The following LPP variants were observed in gnomAD, a reference collection of about 807,000 sequenced individuals.
The protein encoded by LPP is lipoma-preferred partner.
In LPP, 38 loss-of-function variants were observed where a neutral mutation model predicts 60.4. That is an observed-to-expected ratio of 0.63 (90% CI 0.49 to 0.83). The LOEUF (loss-of-function observed/expected upper bound fraction) is 0.83, where lower values mean the gene tolerates loss of function less well. LPP is among the 40% of genes least tolerant of loss of function. LPP has a pLI of 0.00. For synonymous variants in LPP, 328 were observed against 290.8 expected (o/e 1.13, Z -1.30); for missense variants, 902 against 783.6 (o/e 1.15, Z -1.80).
At chr3:188,476,755 G>GT (rs1803340726) in intron 4 of LPP, among the ~76,000 whole-genome samples, 1 of 152,114 alleles carries the variant, frequency 6.6e-6, no homozygotes, top group South Asian at 2.1e-4. Flanking sequence ...TTTTTCTAAT[G>GT]TATAAAAGGA....
At chr3:188,175,320 C>A (rs914765776) in intron 1 of LPP, among the ~76,000 whole-genome samples, 2 of 152,054 alleles carry the variant, frequency 1.3e-5, no homozygotes, top group African/African-American at 2.4e-5. Flanking sequence ...AACCCCTGAC[C>A]TCAAGTGAGC....
At chr3:188,827,007 A>G (rs995174131) in intron 9 of LPP, among the ~76,000 whole-genome samples, 6 of 152,244 alleles carry the variant, frequency 3.9e-5, no homozygotes, top group Non-Finnish European at 7.3e-5. Context: ...TAAATGGCAG[A>G]AACCTTATGT....
chr3:188,533,750 C>T (rs538637030), intron 6 of LPP, among the ~76,000 whole-genome samples: 8 of 152,202 alleles, frequency 5.3e-5, no homozygotes, highest in Admixed American at 4.6e-4. Flanking sequence ...TTGAATTAGC[C>T]TGTACCCGCC....
chr3:188,484,397 T>C (rs1245483603), intron 4 of LPP, among the ~76,000 whole-genome samples, 195 bp from the exon 5 acceptor site: 1 of 152,198 alleles, frequency 6.6e-6, no homozygotes, highest in Non-Finnish European at 1.5e-5. Flanking sequence ...AAATATCAAA[T>C]CCGATACTCT....
chr3:188,726,760 A>G (rs2149972054), intron 8 of LPP, among the ~76,000 whole-genome samples: 1 of 152,320 alleles, frequency 6.6e-6, no homozygotes, highest in South Asian at 2.1e-4. Flanking sequence ...AAACAAGGCA[A>G]ATAAACAGCA....
At chr3:188,370,687 T>A (rs1474979827) in intron 3 of LPP, among the ~76,000 whole-genome samples, 1 of 152,148 alleles carries the variant, frequency 6.6e-6, no homozygotes, top group Non-Finnish European at 1.5e-5. Flanking sequence ...TCTGCCCAAC[T>A]GTGTTGGGCA....
intron 1 of LPP, among the ~76,000 whole-genome samples, chr3:188,187,481 T>A (rs948597758): frequency 6.6e-6 from 1 of 152,148 alleles, no homozygotes; most frequent in African/African-American, 2.4e-5. Flanking sequence ...TTATAATTTC[T>A]TCTTATTTCT....
chr3:188,305,857 A>G (rs770711031), intron 2 of LPP, among the ~76,000 whole-genome samples: 1 of 152,180 alleles, frequency 6.6e-6, no homozygotes, highest in Non-Finnish European at 1.5e-5. Context: ...GTTCTTTTCC[A>G]AGGATTTTCT....
In LPP at chr3:188,881,643, T is replaced by C. The variant is rs1162041277; in HGVS notation, c.*7164T>C. 2 of 223,732 alleles carry C rather than the reference T, an allele frequency of 8.9e-6. No homozygotes were observed. The highest frequency in any genetic ancestry group is 4.5e-5 in the African/African-American group (2 of 44,934). The allele number at this position is 223,732 out of a possible 1,614,324, so 13.9% of individuals were successfully genotyped here. On this transcript the variant is annotated 3_prime_UTR_variant, in exon 12 of 12. Coordinates refer to ENST00000617246, the MANE Select transcript of LPP (RefSeq NM_001375462.1). ...ACTTTTTGTTCTGTACTATTTTGGA[T>C]GTTGCCAAAATCAAATTCATCCTGA...
At chr3:188,170,387 G>A (rs1235493754) in intron 1 of LPP, among the ~76,000 whole-genome samples, 2 of 143,002 alleles carry the variant, frequency 1.4e-5, no homozygotes, top group African/African-American at 2.6e-5. Context: ...CTGGAGTGCA[G>A]TGGTATGATT....
At chr3:188,392,060 C>T (rs917563628) in intron 3 of LPP, among the ~76,000 whole-genome samples, 2 of 152,214 alleles carry the variant, frequency 1.3e-5, no homozygotes, top group Non-Finnish European at 2.9e-5. Context: ...ACCATATCCA[C>T]CACATTAAGG....
intron 3 of LPP, among the ~76,000 whole-genome samples, chr3:188,374,917 G>T (rs1352671067): frequency 6.6e-6 from 1 of 151,996 alleles, no homozygotes; most frequent in East Asian, 1.9e-4. Context: ...TTAGCATGAA[G>T]CGTTGTTGAA....
intron 7 of LPP, among the ~76,000 whole-genome samples, chr3:188,656,657 G>A (rs1853283768): frequency 6.6e-6 from 1 of 152,146 alleles, no homozygotes; most frequent in Non-Finnish European, 1.5e-5. Flanking sequence ...GGAGGGATTT[G>A]GGAGTTCTTG....
chr3:188,161,076 A>T (rs766303466), intron 1 of LPP, among the ~76,000 whole-genome samples: 2 of 152,204 alleles, frequency 1.3e-5, no homozygotes, highest in Non-Finnish European at 2.9e-5. Flanking sequence ...TTTGGAGATC[A>T]CTGTGGGAGA....
At chr3:188,793,460 G>A (rs12492506) in intron 9 of LPP, among the ~76,000 whole-genome samples, 39,616 of 151,898 alleles carry the variant, frequency 0.26, 6,493 homozygotes, top group East Asian at 0.78. Flanking sequence ...GGGATTACAA[G>A]CATGAGCCAC....
In LPP at chr3:188,228,228, C is replaced by T. The variant is rs150748403; in HGVS notation, c.-67+2701C>T. On this transcript the variant is annotated intron_variant, in intron 2 of 11. Transcript: ENST00000617246. ...TTCTGCTGCAAGATTCTGGGACACA[C>T]GTGCTCATGGCCATCAAGAACATAG... is the stretch of plus-strand genomic sequence containing the variant. 2.4e-3 allele frequency among the ~76,000 whole-genome samples: 368 copies of T among 152,316 alleles called. 3 individuals are homozygous for T. Among genetic ancestry groups the T allele is most frequent in the Middle Eastern group, 0.01 (3 of 294 alleles).
At position 188,227,964 on chromosome 3, in the gene LPP, C is replaced by T. The variant is rs1032339164; in HGVS notation, c.-67+2437C>T. On this transcript the variant is annotated intron_variant, in intron 2 of 11. Coordinates refer to ENST00000617246, the MANE Select transcript of LPP (RefSeq NM_001375462.1). ...TCACACAGTGGAGAAGAGGTGGCCC[C>T]GCAAAGGAATATCTGGGTGCTGTTA... Among the ~76,000 whole-genome samples, 6 of 152,188 alleles carry T rather than the reference C, an allele frequency of 3.9e-5. No individual in the cohort carries two copies. The East Asian group carries it at 5.8e-4, about 15-fold the overall frequency.
chr3:188,581,602 G>T (rs1041285478), intron 6 of LPP, among the ~76,000 whole-genome samples: 3 of 152,000 alleles, frequency 2.0e-5, no homozygotes, highest in African/African-American at 7.2e-5. Flanking sequence ...CCACTACCCA[G>T]GCTGTTAGTC....
At chr3:188,307,111 C>T (rs1432500610) in intron 2 of LPP, among the ~76,000 whole-genome samples, 1 of 152,196 alleles carries the variant, frequency 6.6e-6, no homozygotes, top group African/African-American at 2.4e-5. Flanking sequence ...TTGCATATAT[C>T]ATTCAATTCT....
Sources: gnomAD v4.1 joint callset for allele counts (sites outside exome capture counted in the v4.1 genomes callset) on GRCh38, gnomAD v4.1.1 for gene constraint, MANE v1.5 for transcripts, NCBI Gene and HGNC (gene_info 2026-07-23, HGNC 2026-07-21) for gene names.